NXPE2: variants seen among roughly 807,000 people sequenced by gnomAD.
The protein encoded by NXPE2 is neurexophilin and PC-esterase domain family member 2, also known as NXPE family member 2.
Under a neutral mutation model 34.4 loss-of-function variants are expected in NXPE2, and 34 were observed. The observed-to-expected ratio is 0.99, with a 90% CI of 0.75 to 1.31. NXPE2 has a LOEUF of 1.31. NXPE2 is among the 40% of genes most tolerant of loss of function. The probability of loss-of-function intolerance (pLI) is 0.00; values close to 1 mark genes in which losing one functional copy is unlikely to be tolerated. For synonymous variants in NXPE2, 235 were observed against 231.3 expected (o/e 1.02, Z -0.15); for missense variants, 649 against 672.5 (o/e 0.97, Z 0.39).
intron 2 of NXPE2, among the ~76,000 whole-genome samples, 181 bp from the exon 3 acceptor site, chr11:114,697,864 G>A (rs1591439523): frequency 6.6e-6 from 1 of 152,188 alleles, no homozygotes; most frequent in Non-Finnish European, 1.5e-5. Context: ...GCTGGCAGCA[G>A]AGGAAGTCAT....
chr11:114,618,005 G>A, the NXPE2 span, among the ~76,000 whole-genome samples: 2 of 151,956 alleles, frequency 1.3e-5, no homozygotes, highest in African/African-American at 4.8e-5. Context: ...GGTAACCAGT[G>A]TTACCCGCTG....
the NXPE2 span, chr11:114,570,868 A>C: frequency 1.8e-6 from 2 of 1,095,450 alleles, no homozygotes; most frequent in African/African-American, 3.2e-5. Context: ...CAAACACAGC[A>C]TCTGGCCTGC....
the NXPE2 span, chr11:114,530,074 G>A: frequency 6.0e-5 from 73 of 1,225,242 alleles, no homozygotes; most frequent in Non-Finnish European, 3.4e-6. Flanking sequence ...CTTGAGTACA[G>A]GAGGCCTCTG....
chr11:114,676,610 G>A (rs940037573), upstream of NXPE2, among the ~76,000 whole-genome samples: 6 of 151,858 alleles, frequency 4.0e-5, no homozygotes, highest in Non-Finnish European at 7.4e-5. Context: ...CGAAAGATAA[G>A]TGATGGTGAG....
At chr11:114,781,917 T>C in the NXPE2 span, among the ~76,000 whole-genome samples, 2 of 152,194 alleles carry the variant, frequency 1.3e-5, no homozygotes, top group African/African-American at 4.8e-5. Context: ...GGAAAGGTGC[T>C]CTGACCAGGG....
At chr11:114,608,011 C>T in the NXPE2 span, among the ~76,000 whole-genome samples, 4 of 150,644 alleles carry the variant, frequency 2.7e-5, no homozygotes, top group African/African-American at 9.8e-5. Context: ...ATAAATGTTG[C>T]CTCAGGGAAA....
chr11:114,505,136 G>A, the NXPE2 span, among the ~76,000 whole-genome samples: 1 of 152,056 alleles, frequency 6.6e-6, no homozygotes, highest in Non-Finnish European at 1.5e-5. Context: ...CTCAGAGCTT[G>A]AAGACTGGCT....
the NXPE2 span, among the ~76,000 whole-genome samples, chr11:114,766,240 C>T: frequency 5.1e-4 from 77 of 152,252 alleles, 1 homozygote; most frequent in Admixed American, 1.2e-3. Context: ...AGAGCTCTGA[C>T]TTGGGCTTTG....
At chr11:114,566,203 A>G in the NXPE2 span, among the ~76,000 whole-genome samples, 1 of 152,170 alleles carries the variant, frequency 6.6e-6, no homozygotes, top group East Asian at 1.9e-4. Context: ...AATACTTACA[A>G]GTTATGGAAA....
At chr11:114,757,168 C>T in the NXPE2 span, among the ~76,000 whole-genome samples, 1 of 152,056 alleles carries the variant, frequency 6.6e-6, no homozygotes, top group Non-Finnish European at 1.5e-5. Flanking sequence ...ATATTTGTTA[C>T]AAAAAATGTA....
the NXPE2 span, among the ~76,000 whole-genome samples, chr11:114,645,702 A>G: frequency 6.6e-6 from 1 of 152,140 alleles, no homozygotes; most frequent in Non-Finnish European, 1.5e-5. Context: ...AAAAATGAAG[A>G]AAAGACATGA....
At chr11:114,490,561 A>G in the NXPE2 span, among the ~76,000 whole-genome samples, 2 of 152,188 alleles carry the variant, frequency 1.3e-5, no homozygotes, top group African/African-American at 4.8e-5. Context: ...ATCTACAACT[A>G]TCTGATCTTT....
the NXPE2 span, among the ~76,000 whole-genome samples, chr11:114,756,638 G>A: frequency 0.037 from 5,606 of 151,886 alleles, 355 homozygotes; most frequent in African/African-American, 0.13. Flanking sequence ...TTATTTTGTA[G>A]TGTCCCTCTC....
At chr11:114,775,342 T>C in the NXPE2 span, among the ~76,000 whole-genome samples, 9 of 152,172 alleles carry the variant, frequency 5.9e-5, no homozygotes, top group African/African-American at 2.2e-4. Flanking sequence ...AGGCCCTGAA[T>C]AGCTTTTGTT....
chr11:114,633,548 T>G, the NXPE2 span, among the ~76,000 whole-genome samples: 1 of 151,486 alleles, frequency 6.6e-6, no homozygotes, highest in East Asian at 1.9e-4. Context: ...GTGCCATGCT[T>G]GTGTGCTGCA....
At chr11:114,580,184 C>G in the NXPE2 span, 3 of 1,614,070 alleles carry the variant, frequency 1.9e-6, no homozygotes, top group African/African-American at 4.0e-5. Context: ...TGGAATCTCC[C>G]ATTAGGTATA....
chr11:114,780,972 G>C, the NXPE2 span, among the ~76,000 whole-genome samples: 1 of 152,190 alleles, frequency 6.6e-6, no homozygotes, highest in Non-Finnish European at 1.5e-5. Flanking sequence ...GCGGCGTGAG[G>C]CTTGCCTATC....
At chr11:114,799,291 CAAAAAAAAAA>C in the NXPE2 span, among the ~76,000 whole-genome samples, 2 of 94,294 alleles carry the variant, frequency 2.1e-5, no homozygotes, top group African/African-American at 3.9e-5. Context: ...GGCAATGAAG[CAAAAAAAAAA>C]AAAAAAAAAA....
the NXPE2 span, among the ~76,000 whole-genome samples, chr11:114,470,472 A>G: frequency 6.6e-6 from 1 of 151,964 alleles, no homozygotes; most frequent in Non-Finnish European, 1.5e-5. Context: ...GTATCTTTTC[A>G]TGTATTTATT....
Sources: allele counts gnomAD v4.1 joint callset (sites outside exome capture counted in the v4.1 genomes callset), GRCh38; gene constraint gnomAD v4.1.1; transcripts MANE v1.5; gene names NCBI Gene and HGNC (gene_info 2026-07-23, HGNC 2026-07-21).